The following EFCAB8 variants were observed in gnomAD, a reference collection of about 807,000 sequenced individuals.
The protein encoded by EFCAB8 is EF-hand calcium-binding domain-containing protein 8.
EFCAB8 carries 100 observed loss-of-function variants against 116.3 expected under a neutral mutation model. That is an observed-to-expected ratio of 0.86 (90% CI 0.73 to 1.02). The LOEUF is 1.02. Ranked by LOEUF, EFCAB8 falls within the 50% of genes least tolerant of loss-of-function variation. The pLI is 0.00. For missense variants in EFCAB8, 1,320 were observed against 1,416.9 expected (o/e 0.93, Z 1.10); for synonymous variants, 558 against 567.9 (o/e 0.98, Z 0.25).
chr20:32,940,232 A>G (rs1254823718), intron 22 of EFCAB8, among the ~76,000 whole-genome samples: 2 of 149,410 alleles, frequency 1.3e-5, no homozygotes, highest in Non-Finnish European at 3.0e-5. Context: ...AGACATGTAA[A>G]TCAATGGAAT....
intron 26 of EFCAB8, among the ~76,000 whole-genome samples, chr20:32,960,756 C>T (rs1989122415): frequency 6.6e-6 from 1 of 152,220 alleles, no homozygotes; most frequent in Non-Finnish European, 1.5e-5. Flanking sequence ...AGGCCATGCC[C>T]CTGCAGGGCC....
chr20:32,912,266 C>T (rs1258853394), intron 16 of EFCAB8, among the ~76,000 whole-genome samples: 2 of 151,802 alleles, frequency 1.3e-5, no homozygotes, highest in African/African-American at 2.4e-5. Flanking sequence ...GTGAAACTCC[C>T]GTCTCTGCCA....
At chr20:32,939,171 CTT>C (rs1184542181) in intron 22 of EFCAB8, among the ~76,000 whole-genome samples, 2 of 88,092 alleles carry the variant, frequency 2.3e-5, no homozygotes, top group Admixed American at 1.1e-4. Flanking sequence ...TTCTTTCTTT[CTT>C]TCTTTCTTTC....
chr20:32,870,887 C>G (rs1568898761), intron 3 of EFCAB8, among the ~76,000 whole-genome samples: 1 of 150,954 alleles, frequency 6.6e-6, no homozygotes, highest in Non-Finnish European at 1.5e-5. Flanking sequence ...GAAATGGAGT[C>G]TCACTCTGTC....
intron 5 of EFCAB8, among the ~76,000 whole-genome samples, chr20:32,883,863 G>A (rs973811698): frequency 1.3e-5 from 2 of 152,012 alleles, no homozygotes; most frequent in Admixed American, 6.6e-5. Flanking sequence ...GCTAATTTTT[G>A]TATTTTTAGT....
chr20:32,913,128 T>C (rs1243106224), intron 17 of EFCAB8, among the ~76,000 whole-genome samples: 1 of 152,154 alleles, frequency 6.6e-6, no homozygotes, highest in Non-Finnish European at 1.5e-5. Flanking sequence ...TCTATTTCAG[T>C]GGGGGAATGT....
At position 32,947,539 on chromosome 20, in the gene EFCAB8, C is replaced by T. The variant is rs1988633872; in HGVS notation, c.2959+3735C>T. On this transcript the variant is annotated intron_variant, in intron 23 of 26. Coordinates refer to ENST00000400522, the MANE Select transcript of EFCAB8 (RefSeq NM_001143967.2). ...ATGAAACTGAATTATAAATCAAAAA[C>T]AGAAATATCTTTGAAATATCCCTAA... 2.3e-4 allele frequency among the ~76,000 whole-genome samples: 35 copies of T among 152,002 alleles called. 1 individual carries two copies. Among genetic ancestry groups the T allele is most frequent in the Admixed American group, 2.3e-3 (35 of 15,270 alleles).
intron 23 of EFCAB8, among the ~76,000 whole-genome samples, chr20:32,945,835 G>A (rs58246133): frequency 2.8e-4 from 42 of 152,212 alleles, no homozygotes; most frequent in East Asian, 7.7e-4. Context: ...ATGTAAATTC[G>A]CAATTACAGG....
At chr20:32,908,799 C>A (rs1986794437) in intron 14 of EFCAB8, among the ~76,000 whole-genome samples, 1 of 152,306 alleles carries the variant, frequency 6.6e-6, no homozygotes, top group Non-Finnish European at 1.5e-5. Context: ...GTTTTTCCTG[C>A]TAAGTCATGA....
At position 32,930,360 on chromosome 20, in the gene EFCAB8, C is replaced by T. The variant is rs1600440596; in HGVS notation, c.2413-38C>T. The T allele has an allele frequency of 3.3e-6, 5 of 1,525,352 alleles. No homozygotes were observed. The East Asian group carries it at 1.2e-4, about 37-fold the overall frequency. The allele number at this position is 1,525,352 out of a possible 1,614,324, so 94.5% of individuals were successfully genotyped here. A position where few individuals can be genotyped will look rare whatever the true frequency, so the allele number is the denominator to read the frequency against. On this transcript the variant is annotated intron_variant, in intron 20 of 26. Transcript: ENST00000400522. ...CCCTCAGCACCATGTGACAGTGGCT[C>T]ACAGCCCTGCTGAGCCGGGCCCTCC...
rs768890091 is a variant in EFCAB8 at position 32,918,558 on chromosome 20, G to A, written c.2258G>A (p.Arg753Lys). The change falls in exon 19 of 27, where the codon AGG (arginine) becomes AAG (lysine). Residue 753 changes from arginine to lysine, a missense_variant. Coordinates refer to ENST00000400522, the MANE Select transcript of EFCAB8 (RefSeq NM_001143967.2). ...TGCCCGAGAGACAAGGAGCCAGACA[G>A]GCCTGTGCCCCAGCAGGTGGGAGCG... is the stretch of plus-strand genomic sequence containing the variant. ...MRCPRDKEPD[R>K]PVPQQKPSSA... 17 of 1,551,466 alleles carry A rather than the reference G, an allele frequency of 1.1e-5. No individual in the cohort carries two copies. Among genetic ancestry groups the A allele is most frequent in the Non-Finnish European group, 8.7e-7 (1 of 1,146,960 alleles).
At chr20:32,897,011 C>T (rs1032406890) in intron 10 of EFCAB8, among the ~76,000 whole-genome samples, 4 of 152,166 alleles carry the variant, frequency 2.6e-5, no homozygotes, top group Non-Finnish European at 5.9e-5. Context: ...CCCATCTGCT[C>T]TCCTGCAGAG....
chr20:32,935,623 C>A (rs571985318), intron 22 of EFCAB8, among the ~76,000 whole-genome samples: 27 of 152,308 alleles, frequency 1.8e-4, no homozygotes, highest in Admixed American at 1.4e-3. Context: ...TCTCCTGCCT[C>A]AGCCTCCCAA....
rs1364560481 is a variant in EFCAB8 at position 32,939,115 on chromosome 20, CTCTTTCTTTCTCTTTCTT to C, written c.2791-4509_2791-4492del. ...TCTTTTCCTTCCTTCCTTTCTTTCT[CTCTTTCTTTCTCTTTCTT>C]TCTTTCTTTCTTTCTTTCTTTCTTT... On this transcript the variant is annotated intron_variant, in intron 22 of 26. Coordinates refer to ENST00000400522, the MANE Select transcript of EFCAB8 (RefSeq NM_001143967.2). Among the ~76,000 whole-genome samples, 84 of 122,512 alleles carry C rather than the reference CTCTTTCTTTCTCTTTCTT, an allele frequency of 6.9e-4. 1 individual carries two copies. The highest frequency in any genetic ancestry group is 1.1e-3 in the Non-Finnish European group (65 of 57,986). The allele number at this position is 122,512 out of a possible 152,430, so 80.4% of individuals were successfully genotyped here. A position where few individuals can be genotyped will look rare whatever the true frequency, so the allele number is the denominator to read the frequency against.
intron 20 of EFCAB8, among the ~76,000 whole-genome samples, chr20:32,926,061 C>G (rs920656505): frequency 1.3e-5 from 2 of 152,242 alleles, no homozygotes; most frequent in African/African-American, 4.8e-5. Context: ...TGACCCTGTG[C>G]TCTCAGCAGG....
At chr20:32,950,993 G>A (rs1418686814) in intron 23 of EFCAB8, among the ~76,000 whole-genome samples, 8 of 152,118 alleles carry the variant, frequency 5.3e-5, no homozygotes, top group South Asian at 2.1e-4. Flanking sequence ...AAAACAATGC[G>A]CAATATTTAT....
At chr20:32,961,046 G>T (rs551980128) in intron 26 of EFCAB8, 90 bp from the exon 27 acceptor site, 1 of 1,137,982 alleles carries the variant, frequency 8.8e-7, no homozygotes, top group East Asian at 2.6e-5. Context: ...AGACCTCAGG[G>T]CGCCTCCTTC....
chr20:32,891,885 G>A (rs1985935831), intron 7 of EFCAB8, among the ~76,000 whole-genome samples: 1 of 151,876 alleles, frequency 6.6e-6, no homozygotes, highest in Non-Finnish European at 1.5e-5. Context: ...CTGTAGTGCA[G>A]TGGTACAATC....
Position 32,893,281 on chromosome 20 carries a change from C to T in EFCAB8, c.866C>T (p.Pro289Leu). The stretch of plus-strand genomic sequence containing the variant: ...GGGCTGTTCAACCCCCGTATCCTCC[C>T]CAGGGCCTCCAAGTGGGGTAGCTAA... Reference protein sequence around the residue: ...TSGLFNPRILPRASKWDHWIK... With the variant: ...TSGLFNPRILLRASKWDHWIK... The change falls in exon 9 of 27, where the codon CCC becomes CTC. Residue 289 changes from proline to leucine, a missense_variant. Coordinates refer to ENST00000400522, the MANE Select transcript of EFCAB8 (RefSeq NM_001143967.2). The T allele has an allele frequency of 6.4e-7, 1 of 1,551,844 alleles. No homozygotes were observed. Among genetic ancestry groups the T allele is most frequent in the Non-Finnish European group, 8.7e-7 (1 of 1,147,020 alleles).
Sources: allele counts gnomAD v4.1 joint callset (sites outside exome capture counted in the v4.1 genomes callset), GRCh38; gene constraint gnomAD v4.1.1; transcripts MANE v1.5; gene names NCBI Gene and HGNC (gene_info 2026-07-23, HGNC 2026-07-21).